Variants in CA5A observed in about 807,000 individuals in gnomAD.
CA5A encodes carbonic anhydrase 5A, also known as carbonic anhydrase 5A, mitochondrial.
CA5A carries 28 observed loss-of-function variants against 37.1 expected under a neutral mutation model. The ratio of observed to expected loss-of-function variants is 0.75; its 90% CI spans 0.56 to 1.03. The LOEUF (loss-of-function observed/expected upper bound fraction) is 1.03, where lower values mean the gene tolerates loss of function less well. Ranked by LOEUF, CA5A falls within the 50% of genes least tolerant of loss-of-function variation. The probability of loss-of-function intolerance (pLI) is 0.00; values close to 1 mark genes in which losing one functional copy is unlikely to be tolerated. For synonymous variants in CA5A, 171 were observed against 158.4 expected, an observed-to-expected ratio of 1.08 and a Z score of -0.60; for missense variants, 444 against 399.9, an observed-to-expected ratio of 1.11 and a Z score of -0.94.
At chr16:87,912,553 C>A (rs1303664732) in intron 2 of CA5A, among the ~76,000 whole-genome samples, 1 of 152,240 alleles carries the variant, frequency 6.6e-6, no homozygotes, top group Admixed American at 6.5e-5. Context: ...CTTTCTCCCA[C>A]GTGCCGGGCA....
At chr16:87,895,371 CCA>C (rs1180253658) in intron 5 of CA5A, among the ~76,000 whole-genome samples, 5 of 152,130 alleles carry the variant, frequency 3.3e-5, no homozygotes, top group Non-Finnish European at 7.3e-5. Context: ...CATGGCGAAA[CCA>C]TGTCTCTACT....
At chr16:87,889,911 C>G (rs528520473) in intron 6 of CA5A, among the ~76,000 whole-genome samples, 1 of 152,272 alleles carries the variant, frequency 6.6e-6, no homozygotes, top group Non-Finnish European at 1.5e-5. Context: ...TACATGCTGA[C>G]AGCATACTGG....
intron 1 of CA5A, among the ~76,000 whole-genome samples, chr16:87,934,328 G>A (rs780442348): frequency 1.6e-4 from 25 of 152,262 alleles, no homozygotes; most frequent in Non-Finnish European, 2.9e-4. Context: ...CAGCACTTTG[G>A]GAGGCTGAGG....
chr16:87,914,492 C>T (rs1381872305), intron 2 of CA5A, among the ~76,000 whole-genome samples: 3 of 152,198 alleles, frequency 2.0e-5, no homozygotes, highest in South Asian at 2.1e-4. Context: ...GCTGCACCCC[C>T]GTCTGTCTCC....
At chr16:87,900,435 G>A (rs543064628) in intron 5 of CA5A, among the ~76,000 whole-genome samples, 2 of 152,202 alleles carry the variant, frequency 1.3e-5, no homozygotes, top group African/African-American at 4.8e-5. Flanking sequence ...TCCTTGAACC[G>A]CGAGGAAGGG....
chr16:87,889,703 C>T (rs906277129), intron 6 of CA5A, among the ~76,000 whole-genome samples: 3 of 151,676 alleles, frequency 2.0e-5, no homozygotes, highest in African/African-American at 4.8e-5. Flanking sequence ...ACCTGGGAGG[C>T]GGAGCTTGTG....
intron 5 of CA5A, chr16:87,892,335 C>G (rs1431944577): frequency 1.9e-5 from 3 of 155,860 alleles, no homozygotes; most frequent in African/African-American, 7.2e-5. Context: ...CGTGGTGAAA[C>G]CCTGTCTCTA....
intron 3 of CA5A, among the ~76,000 whole-genome samples, 192 bp downstream of exon 3, chr16:87,904,593 AC>A (rs2055929716): frequency 6.6e-6 from 1 of 152,224 alleles, no homozygotes; most frequent in Non-Finnish European, 1.5e-5. Flanking sequence ...GAGAGAACTT[AC>A]AGCGCCTTCC....
At chr16:87,935,501 C>T (rs889542244) in intron 1 of CA5A, among the ~76,000 whole-genome samples, 22 of 152,210 alleles carry the variant, frequency 1.4e-4, no homozygotes, top group African/African-American at 5.1e-4. Flanking sequence ...ACGGACTACC[C>T]GCCTGCTCCC....
At position 87,926,731 on chromosome 16, in the gene CA5A, C is replaced by T. The variant is rs376004274; in HGVS notation, c.340+17G>A. On this transcript the variant is annotated intron_variant, in intron 2 of 6. Coordinates refer to ENST00000649794, the MANE Select transcript of CA5A (RefSeq NM_001739.2). ...AACGGGAGAGGACAAAGCCCTCGAGCCCCAGCTGGCACTCACCTGATGCCT... is the reference window on the plus strand; with the variant it reads ...AACGGGAGAGGACAAAGCCCTCGAGTCCCAGCTGGCACTCACCTGATGCCT... 1 of 1,601,210 alleles carries T rather than the reference C, an allele frequency of 6.2e-7. No individual in the cohort carries two copies. Among genetic ancestry groups the T allele is most frequent in the Non-Finnish European group, 8.5e-7 (1 of 1,170,312 alleles).
intron 6 of CA5A, among the ~76,000 whole-genome samples, chr16:87,891,553 C>T (rs1465615009): frequency 6.6e-6 from 1 of 152,092 alleles, no homozygotes; most frequent in Non-Finnish European, 1.5e-5. Flanking sequence ...ATGGATGCCT[C>T]GTGTGTCTGT....
downstream of CA5A, chr16:87,887,270 T>A (rs1203956051): frequency 6.6e-6 from 1 of 151,962 alleles, no homozygotes; most frequent in Non-Finnish European, 1.5e-5. Flanking sequence ...CCTGCCAGAT[T>A]ATTTTTGGTT....
In CA5A at chr16:87,926,746, A is replaced by G; in HGVS notation, c.340+2T>C. ...AGCCCTCGAGCCCCAGCTGGCACTCACCTGATGCCTCGGTGGCATCGTCAA... is the reference window on the plus strand; with the variant it reads ...AGCCCTCGAGCCCCAGCTGGCACTCGCCTGATGCCTCGGTGGCATCGTCAA... On this transcript the variant is annotated splice_donor_variant, in intron 2 of 6. Coordinates refer to ENST00000649794, the MANE Select transcript of CA5A (RefSeq NM_001739.2). LOFTEE classifies it high-confidence loss of function. 6.2e-7 allele frequency: 1 copy of G among 1,611,614 alleles called. No individual in the cohort carries two copies. The highest frequency in any genetic ancestry group is 2.2e-5 in the East Asian group (1 of 44,794).
chr16:87,925,487 C>T (rs1480915973), intron 2 of CA5A: 1 of 152,272 alleles, frequency 6.6e-6, no homozygotes, highest in South Asian at 2.1e-4. Context: ...GGGAGCTGTT[C>T]ACATAGGCAC....
At chr16:87,888,592 C>T (rs534853828) in intron 6 of CA5A, among the ~76,000 whole-genome samples, 1 of 152,282 alleles carries the variant, frequency 6.6e-6, no homozygotes, top group East Asian at 1.9e-4. Context: ...TTGCTAGCTA[C>T]TCGAGAGGGC....
chr16:87,910,826 T>G (rs1170230440), intron 2 of CA5A, among the ~76,000 whole-genome samples: 1 of 152,144 alleles, frequency 6.6e-6, no homozygotes, highest in Non-Finnish European at 1.5e-5. Flanking sequence ...CTTGGCTCAC[T>G]GCAACCTCCA....
chr16:87,914,060 C>G lies in CA5A; in HGVS notation c.341-9156G>C, dbSNP rs185231688. Among the ~76,000 whole-genome samples the G allele has an allele frequency of 1.7e-4, 26 of 152,360 alleles. No individual in the cohort carries two copies. The East Asian group carries it at 4.8e-3, about 28-fold the overall frequency. Reference sequence around the variant, plus strand: ...AGCTGGATCTCCGTGAGTGCCAGGGCTGGGTCTGGGAAGGGTCTGGGACCC... The same window carrying G: ...AGCTGGATCTCCGTGAGTGCCAGGGGTGGGTCTGGGAAGGGTCTGGGACCC... On this transcript the variant is annotated intron_variant, in intron 2 of 6. Transcript: ENST00000649794.
intron 2 of CA5A, among the ~76,000 whole-genome samples, chr16:87,915,938 G>A (rs1248154384): frequency 1.3e-5 from 2 of 151,950 alleles, no homozygotes. Context: ...AGAAAAAGAG[G>A]TTGAATGGAC....
chr16:87,935,853 G>T (rs2056463673), intron 1 of CA5A, among the ~76,000 whole-genome samples: 1 of 151,756 alleles, frequency 6.6e-6, no homozygotes, highest in Non-Finnish European at 1.5e-5. Context: ...TCTAGCCTGG[G>T]CAAAAGAGCA....
Sources: allele counts gnomAD v4.1 joint callset (sites outside exome capture counted in the v4.1 genomes callset), GRCh38; gene constraint gnomAD v4.1.1; transcripts MANE v1.5; gene names NCBI Gene and HGNC (gene_info 2026-07-23, HGNC 2026-07-21).